The following EPB41 variants were observed in gnomAD, a reference collection of about 807,000 sequenced individuals.
EPB41 encodes erythrocyte membrane protein band 4.1.
In EPB41, 65 loss-of-function variants were observed where a neutral mutation model predicts 108.0. That is an observed-to-expected ratio of 0.60 (90% CI 0.49 to 0.74). The LOEUF (loss-of-function observed/expected upper bound fraction) is 0.74, where lower values mean the gene tolerates loss of function less well. EPB41 is among the 30% of genes least tolerant of loss of function. The pLI is 0.00. For missense variants in EPB41, 875 were observed against 1,037.0 expected, an observed-to-expected ratio of 0.84 and a Z score of 2.15; for synonymous variants, 336 against 358.9, an observed-to-expected ratio of 0.94 and a Z score of 0.72.
intron 1 of EPB41, among the ~76,000 whole-genome samples, chr1:28,972,604 A>G (rs190052272): frequency 1.7e-3 from 264 of 151,414 alleles, no homozygotes; most frequent in African/African-American, 6.2e-3. Context: ...TATGGCAAGC[A>G]GTTTTTTTTT....
chr1:29,007,501 A>G (rs1385299210), intron 4 of EPB41, among the ~76,000 whole-genome samples: 1 of 152,220 alleles, frequency 6.6e-6, no homozygotes, highest in Non-Finnish European at 1.5e-5. Context: ...CATTCTCACA[A>G]GTAATAAGCG....
chr1:29,038,674 A>G (rs544759179), intron 10 of EPB41, among the ~76,000 whole-genome samples: 1 of 152,326 alleles, frequency 6.6e-6, no homozygotes, highest in Non-Finnish European at 1.5e-5. Flanking sequence ...TATAGGGGAG[A>G]CCAGCATAGA....
intron 4 of EPB41, among the ~76,000 whole-genome samples, chr1:29,001,414 T>C (rs1157934124): frequency 6.6e-6 from 1 of 152,198 alleles, no homozygotes; most frequent in Non-Finnish European, 1.5e-5. Flanking sequence ...CTGTCCCTGG[T>C]ATCTCCCATC....
intron 1 of EPB41, among the ~76,000 whole-genome samples, chr1:28,946,318 A>C (rs1377311820): frequency 6.6e-6 from 1 of 152,044 alleles, no homozygotes; most frequent in African/African-American, 2.4e-5. Context: ...CGTGTTGGCC[A>C]GGATGGTCTT....
Position 28,900,350 on chromosome 1 carries a change from T to C in EPB41, c.-8+13140T>C, listed in dbSNP as rs1279068087. Among the ~76,000 whole-genome samples the C allele has an allele frequency of 6.6e-5, 10 of 151,056 alleles. No individual in the cohort carries two copies. In the East Asian group the frequency reaches 2.0e-3, roughly 30 times the overall value. On this transcript the variant is annotated intron_variant, in intron 1 of 16. Transcript: ENST00000347529. ...TCACCCAGGCTGGAGTGCAGTGGCATGACCTCGGGTTACTGCAACCTCTGC... is the reference window on the plus strand; with the variant it reads ...TCACCCAGGCTGGAGTGCAGTGGCACGACCTCGGGTTACTGCAACCTCTGC...
intron 1 of EPB41, among the ~76,000 whole-genome samples, chr1:28,968,620 A>G (rs2095418378): frequency 1.3e-5 from 2 of 152,084 alleles, no homozygotes; most frequent in African/African-American, 4.8e-5. Flanking sequence ...GTTGATGCAA[A>G]AGTAATTGCA....
intron 2 of EPB41, among the ~76,000 whole-genome samples, chr1:28,988,564 T>C (rs1268993878): frequency 6.6e-6 from 1 of 152,046 alleles, no homozygotes; most frequent in Non-Finnish European, 1.5e-5. Flanking sequence ...TTTGCTGTGT[T>C]GGCCAGGCTG....
In EPB41 at chr1:28,967,544, G is replaced by C. The variant is rs767822112; in HGVS notation, c.-7-19887G>C. On this transcript the variant is annotated intron_variant, in intron 1 of 20. Transcript: ENST00000343067. ...TATTCTGTTTTTCTCTCAAGCTGTA[G>C]TATGAATTCGACCTTCCTTTCTTTC... 2.6e-5 allele frequency among the ~76,000 whole-genome samples: 4 copies of C among 152,134 alleles called. No homozygotes were observed. The East Asian group carries it at 7.7e-4, about 29-fold the overall frequency.
In EPB41 at chr1:29,026,248, A is replaced by G. The variant is rs549887254; in HGVS notation, c.1125-4152A>G. On this transcript the variant is annotated intron_variant, in intron 7 of 20. Coordinates refer to ENST00000343067, the MANE Select transcript of EPB41 (RefSeq NM_001376013.1). ...TAGTCAATGTATTCAGGGTAATGGG[A>G]GCCAGGTTTCTCACTGTCAGTAAAG... 3.9e-5 allele frequency among the ~76,000 whole-genome samples: 6 copies of G among 152,318 alleles called. No homozygotes were observed. In the East Asian group the frequency reaches 1.2e-3, roughly 29 times the overall value.
chr1:29,075,985 A>G (rs1172639936), intron 16 of EPB41, among the ~76,000 whole-genome samples: 1 of 152,210 alleles, frequency 6.6e-6, no homozygotes, highest in Non-Finnish European at 1.5e-5. Flanking sequence ...ACATCTTTGG[A>G]CAGCTCTGAG....
intron 3 of EPB41, 114 bp downstream of exon 3, chr1:28,993,656 T>TA: frequency 5.3e-5 from 46 of 869,134 alleles, no homozygotes; most frequent in Non-Finnish European, 7.2e-5. Context: ...ATTTCTTTTT[T>TA]CTTTTTTTTT....
intron 4 of EPB41, among the ~76,000 whole-genome samples, chr1:29,001,828 A>T (rs1236757129): frequency 6.6e-6 from 1 of 152,130 alleles, no homozygotes; most frequent in Non-Finnish European, 1.5e-5. Context: ...TTGAGAGTTT[A>T]CAATTATATA....
intron 1 of EPB41, 79 bp from the exon 2 acceptor site, chr1:28,987,352 T>A: frequency 8.0e-7 from 1 of 1,246,290 alleles, no homozygotes; most frequent in Non-Finnish European, 1.2e-6. Flanking sequence ...AGTATATTAA[T>A]TTTTTAGGGT....
rs146073770 is a variant in EPB41, at chr1:29,097,907, C to T, written c.2285C>T (p.Thr762Ile). ...GACGTCCCTATTGTCCACACTGAGA[C>T]CAAGACCATCACTTATGAGGCTGCC... ...TKDVPIVHTETKTITYEAAQT... is the reference protein window; with the variant it reads ...TKDVPIVHTEIKTITYEAAQT... The change falls in exon 17 of 21, where the codon ACC (threonine) becomes ATC (isoleucine). Residue 762 changes from threonine to isoleucine, a missense_variant. Transcript: ENST00000343067. 219 of 1,613,974 alleles carry T rather than the reference C, an allele frequency of 1.4e-4. No homozygotes were observed. In the African/African-American group the frequency reaches 1.9e-3, roughly 14 times the overall value.
chr1:28,933,964 T>A (rs1458622169), intron 1 of EPB41, among the ~76,000 whole-genome samples: 2 of 152,148 alleles, frequency 1.3e-5, no homozygotes, highest in African/African-American at 4.8e-5. Flanking sequence ...TTAACTAAAG[T>A]TCATATTTTA....
intron 1 of EPB41, among the ~76,000 whole-genome samples, chr1:28,932,139 T>G (rs1195580281): frequency 3.3e-5 from 5 of 152,146 alleles, no homozygotes; most frequent in African/African-American, 1.2e-4. Flanking sequence ...TTTGTTTTTT[T>G]TGAAATGGAG....
chr1:28,968,846 T>C (rs1044034518), intron 1 of EPB41, among the ~76,000 whole-genome samples: 2 of 151,780 alleles, frequency 1.3e-5, no homozygotes, highest in Non-Finnish European at 2.9e-5. Flanking sequence ...GCACCTGTAA[T>C]GCCAGCTACT....
At position 29,115,770 on chromosome 1, in the gene EPB41, C is replaced by T. The variant is rs1220740338; in HGVS notation, c.2568C>T (p.His856=). The T allele has an allele frequency of 6.2e-7, 1 of 1,613,910 alleles. No homozygotes were observed. The highest frequency in any genetic ancestry group is 2.2e-5 in the East Asian group (1 of 44,884). The stretch of plus-strand genomic sequence containing the variant: ...TGTCAGTGACCAAGGTGGTCGTCCA[C>T]CAGGAGACCGAGATTGCTGATGAGT... ...PDMSVTKVVV[H]QETEIADE is the part of the protein sequence containing the mutation. Residue 856 remains histidine, a synonymous_variant, in exon 20 of 21, where the codon CAC becomes CAT. Coordinates refer to ENST00000343067, the MANE Select transcript of EPB41 (RefSeq NM_001376013.1). This position sits in a 1 kb window ranked among gnomAD's most constrained non-coding sequence, Gnocchi z 4.4.
At chr1:29,063,339 A>G (rs962497807) in intron 15 of EPB41, among the ~76,000 whole-genome samples, 1 of 152,242 alleles carries the variant, frequency 6.6e-6, no homozygotes, top group African/African-American at 2.4e-5. Context: ...CAAGCAAAAC[A>G]TGCTCTTCTG....
Sources: gnomAD v4.1 joint callset for allele counts (sites outside exome capture counted in the v4.1 genomes callset) on GRCh38, gnomAD v4.1.1 for gene constraint, Gnocchi (gnomAD v3.1) non-coding constraint, MANE v1.5 for transcripts, NCBI Gene and HGNC (gene_info 2026-07-23, HGNC 2026-07-21) for gene names.